The following RBM19 variants were observed in gnomAD, a reference collection of about 807,000 sequenced individuals.
RBM19 encodes probable RNA-binding protein 19.
RBM19 carries 94 observed loss-of-function variants against 116.8 expected under a neutral mutation model. That is an observed-to-expected ratio of 0.80 (90% CI 0.68 to 0.95). The LOEUF is 0.95. Among genes scored for constraint, RBM19 ranks in the 40% least tolerant of loss-of-function variants. The probability of loss-of-function intolerance (pLI) is 0.00; values close to 1 mark genes in which losing one functional copy is unlikely to be tolerated. For missense variants in RBM19, 1,161 were observed against 1,220.7 expected (o/e 0.95, Z 0.73); for synonymous variants, 475 against 494.1 (o/e 0.96, Z 0.51).
intron 21 of RBM19, among the ~76,000 whole-genome samples, chr12:113,885,190 G>A (rs1335162077): frequency 6.6e-6 from 1 of 152,186 alleles, no homozygotes; most frequent in Non-Finnish European, 1.5e-5. Flanking sequence ...GTAAGTTAGT[G>A]GAGAAAACCT....
chr12:113,943,485 T>C (rs1052579049), intron 13 of RBM19, among the ~76,000 whole-genome samples: 4 of 138,372 alleles, frequency 2.9e-5, no homozygotes, highest in African/African-American at 1.1e-4. Context: ...AAGACTACAA[T>C]AGCTTGCAAT....
At chr12:113,829,885 CT>C (rs1875218382) in intron 23 of RBM19, among the ~76,000 whole-genome samples, 1 of 152,244 alleles carries the variant, frequency 6.6e-6, no homozygotes, top group Non-Finnish European at 1.5e-5. Context: ...GGAAATCCAG[CT>C]GCCCAAGATA....
chr12:113,932,149 A>G (rs1188210348), intron 16 of RBM19, among the ~76,000 whole-genome samples: 3 of 152,210 alleles, frequency 2.0e-5, no homozygotes, highest in African/African-American at 7.2e-5. Context: ...TGATGGCTTC[A>G]GGTCATATCC....
chr12:113,903,770 G>A lies in RBM19; in HGVS notation c.2558+11199C>T, dbSNP rs1001631285. Among the ~76,000 whole-genome samples, 2 of 152,154 alleles carry A rather than the reference G, an allele frequency of 1.3e-5. No individual in the cohort carries two copies. Among genetic ancestry groups the A allele is most frequent in the African/African-American group, 2.4e-5 (1 of 41,432 alleles). On this transcript the variant is annotated intron_variant, in intron 21 of 23. Coordinates refer to ENST00000261741, the MANE Select transcript of RBM19 (RefSeq NM_016196.4). This position sits in a 1 kb window ranked among gnomAD's most constrained non-coding sequence, Gnocchi z 5.1. Reference sequence around the variant, plus strand: ...ATTCCTCTTGGGCATTCCTTTTGTAGGCTGGCCAACCCTATATCAGATCTT... The same window carrying A: ...ATTCCTCTTGGGCATTCCTTTTGTAAGCTGGCCAACCCTATATCAGATCTT...
At chr12:113,942,296 G>GCTGGCTGGCGCCACCGAGAACACCCAC in intron 14 of RBM19, 28 bp downstream of exon 14, 2 of 1,576,124 alleles carry the variant, frequency 1.3e-6, no homozygotes, top group Non-Finnish European at 1.7e-6. Flanking sequence ...GTGGCTGCTG[G>GCTGGCTGGCGCCACCGAGAACACCCAC]CTGGCTGGCG....
chr12:113,927,554 C>T (rs1030706292), intron 16 of RBM19: 9 of 246,666 alleles, frequency 3.6e-5, no homozygotes, highest in Admixed American at 5.6e-5. Context: ...TTTACTGAAC[C>T]GTGAGCCTAA....
chr12:113,865,005 G>A (rs1393401024), intron 21 of RBM19, among the ~76,000 whole-genome samples: 1 of 152,164 alleles, frequency 6.6e-6, no homozygotes, highest in Non-Finnish European at 1.5e-5. Context: ...AGTTCTGTGT[G>A]TATGTGCCAG....
At position 113,948,895 on chromosome 12, in the gene RBM19, A is replaced by G; in HGVS notation, c.1214T>C (p.Phe405Ser). 2 of 1,614,132 alleles carry G rather than the reference A, an allele frequency of 1.2e-6. No individual in the cohort carries two copies. Reference sequence around the variant, plus strand: ...GCTGGTGTAGGGCAGGTTCCGTACAAAGAGCCTTCCGGATTCGGCCAGGTC... The same window carrying G: ...GCTGGTGTAGGGCAGGTTCCGTACAGAGAGCCTTCCGGATTCGGCCAGGTC... Reference protein sequence around the residue: ...EEDLAESGRLFVRNLPYTSTE... With the variant: ...EEDLAESGRLSVRNLPYTSTE... Residue 405 changes from phenylalanine to serine, a missense_variant, in exon 10 of 24, where the codon TTT becomes TCT. By Grantham distance (155) the Phe-to-Ser change is radical. Coordinates refer to ENST00000261741, the MANE Select transcript of RBM19 (RefSeq NM_016196.4).
intron 23 of RBM19, among the ~76,000 whole-genome samples, chr12:113,827,688 G>A (rs1874998259): frequency 6.6e-6 from 1 of 152,066 alleles, no homozygotes; most frequent in South Asian, 2.1e-4. Flanking sequence ...AGTCCGGGGA[G>A]GGGAAAAGCA....
intron 22 of RBM19, among the ~76,000 whole-genome samples, chr12:113,849,976 C>T (rs1442598432): frequency 2.0e-5 from 3 of 152,154 alleles, no homozygotes; most frequent in South Asian, 2.1e-4. Flanking sequence ...GTTGGTGCTG[C>T]GTACCTCCCC....
chr12:113,943,537 T>C lies in RBM19; in HGVS notation c.1627-1103A>G, dbSNP rs182143526. The stretch of plus-strand genomic sequence containing the variant: ...GTGCATATGTTGAAATGATAATATT[T>C]TGGACAGCCCAGTGGCTCACGCCCA... On this transcript the variant is annotated intron_variant, in intron 13 of 23. Coordinates refer to ENST00000261741, the MANE Select transcript of RBM19 (RefSeq NM_016196.4). Among the ~76,000 whole-genome samples the C allele has an allele frequency of 7.2e-4, 110 of 152,260 alleles. 2 individuals carry two copies. The highest frequency in any genetic ancestry group is 2.5e-3 in the African/African-American group (105 of 41,556).
chr12:113,947,342 C>T lies in RBM19; in HGVS notation c.1399G>A (p.Val467Ile). 6.3e-7 allele frequency: 1 copy of T among 1,595,532 alleles called. No individual in the cohort carries two copies. Among genetic ancestry groups the T allele is most frequent in the Non-Finnish European group, 8.6e-7 (1 of 1,165,126 alleles). Residue 467 changes from valine (V) to isoleucine (I), a missense_variant, in exon 11 of 24, where the codon GTA (valine) becomes ATA (isoleucine). Coordinates refer to ENST00000261741, the MANE Select transcript of RBM19 (RefSeq NM_016196.4). ...CCAGGACGGGGCCTCACCTGGAATA[C>T]CTGCCCGTCCACCTCCGAGTAGGCC... ...VKAYSEVDGQ[V>I]FQGRMLHVLP...
At chr12:113,837,190 G>GAC (rs1328480925) in intron 23 of RBM19, among the ~76,000 whole-genome samples, 6 of 106,904 alleles carry the variant, frequency 5.6e-5, no homozygotes, top group Non-Finnish European at 1.1e-4. Flanking sequence ...CACACACACA[G>GAC]ACACACACAC....
intron 17 of RBM19, among the ~76,000 whole-genome samples, chr12:113,925,360 T>A (rs7975774): frequency 0.082 from 12,540 of 152,240 alleles, 595 homozygotes; most frequent in East Asian, 0.11. Context: ...AGCAGCTGCT[T>A]ACTGACTCTT....
At chr12:113,912,207 GCT>G (rs1882473137) in intron 21 of RBM19, among the ~76,000 whole-genome samples, 1 of 152,168 alleles carries the variant, frequency 6.6e-6, no homozygotes. Flanking sequence ...AGGCGGGGTA[GCT>G]TGAGGCCCTG....
At chr12:113,949,778 G>A (rs1416636084) in intron 9 of RBM19, among the ~76,000 whole-genome samples, 1 of 152,176 alleles carries the variant, frequency 6.6e-6, no homozygotes, top group African/African-American at 2.4e-5. Flanking sequence ...CCTGTTTAAA[G>A]CCAAGCCTCC....
At position 113,927,471 on chromosome 12, in the gene RBM19, C is replaced by T. The variant is rs905064154; in HGVS notation, c.2069-242G>A. 17 of 494,420 alleles carry T rather than the reference C, an allele frequency of 3.4e-5. 1 individual carries two copies. Among genetic ancestry groups the T allele is most frequent in the Middle Eastern group, 5.4e-4 (1 of 1,862 alleles). 30.6% of individuals were successfully genotyped at this position (494,420 alleles called of 1,614,324 possible). ...AAAGAGAAAGGAATACAAAACACAG[C>T]CCTCAAATGGAGCCTTAAACAGGAC... is the stretch of plus-strand genomic sequence containing the variant. On this transcript the variant is annotated intron_variant, in intron 16 of 23. Transcript: ENST00000261741.
chr12:113,850,762 G>A, intron 22 of RBM19, among the ~76,000 whole-genome samples: 1 of 152,224 alleles, frequency 6.6e-6, no homozygotes, highest in South Asian at 2.1e-4. Context: ...GCATTCTCCT[G>A]GCCCCTTCTG....
At chr12:113,876,515 G>A (rs1879679607) in intron 21 of RBM19, among the ~76,000 whole-genome samples, 1 of 152,208 alleles carries the variant, frequency 6.6e-6, no homozygotes, top group Non-Finnish European at 1.5e-5. Context: ...ATGGGGTTGA[G>A]CATGGTGGCT....
Sources: allele counts gnomAD v4.1 joint callset (sites outside exome capture counted in the v4.1 genomes callset), GRCh38; gene constraint gnomAD v4.1.1; non-coding constraint Gnocchi (gnomAD v3.1); transcripts MANE v1.5; gene names NCBI Gene and HGNC (gene_info 2026-07-23, HGNC 2026-07-21).